ADAMTSL1: variants seen among roughly 807,000 people sequenced by gnomAD.
The protein encoded by ADAMTSL1 is ADAMTS-like protein 1.
In ADAMTSL1, 126 loss-of-function variants were observed where a neutral mutation model predicts 201.8. The observed-to-expected ratio is 0.62, with a 90% CI of 0.54 to 0.72. The LOEUF is 0.72. Among genes scored for constraint, ADAMTSL1 ranks in the 30% least tolerant of loss-of-function variants. The pLI, the probability that ADAMTSL1 is intolerant of heterozygous loss-of-function variation, is 0.00. For synonymous variants in ADAMTSL1, 1,121 were observed against 903.4 expected, an observed-to-expected ratio of 1.24 and a Z score of -4.32; for missense variants, 2,679 against 2,277.8, an observed-to-expected ratio of 1.18 and a Z score of -3.59.
At chr9:18,022,127 C>T (rs538951661) in intron 1 of ADAMTSL1, among the ~76,000 whole-genome samples, 53 of 152,242 alleles carry the variant, frequency 3.5e-4, no homozygotes, top group African/African-American at 1.2e-3. Flanking sequence ...AACCACCCAC[C>T]TTGCACTGAT....
intron 1 of ADAMTSL1, among the ~76,000 whole-genome samples, chr9:17,915,611 T>A (rs1448149642): frequency 6.6e-6 from 1 of 152,234 alleles, no homozygotes; most frequent in African/African-American, 2.4e-5. Flanking sequence ...ATATAGTAGG[T>A]GTACATTTAA....
intron 2 of ADAMTSL1, among the ~76,000 whole-genome samples, chr9:18,277,955 A>G (rs1832647882): frequency 6.6e-6 from 1 of 151,960 alleles, no homozygotes; most frequent in African/African-American, 2.4e-5. Flanking sequence ...TGTATTTACT[A>G]TCTGTGTCAT....
chr9:18,607,787 C>A (rs1468892100), intron 4 of ADAMTSL1, among the ~76,000 whole-genome samples: 3 of 146,936 alleles, frequency 2.0e-5, no homozygotes, highest in Admixed American at 6.9e-5. Flanking sequence ...TCCCTGTGTT[C>A]TCATTGTTCA....
chr9:18,201,672 T>G (rs562392795), intron 2 of ADAMTSL1, among the ~76,000 whole-genome samples: 18 of 152,098 alleles, frequency 1.2e-4, no homozygotes, highest in Non-Finnish European at 2.5e-4. Context: ...AGAACAAGAA[T>G]AAAACCATTT....
intron 23 of ADAMTSL1, among the ~76,000 whole-genome samples, chr9:18,838,227 A>G (rs1440180965): frequency 6.6e-6 from 1 of 152,116 alleles, no homozygotes; most frequent in Non-Finnish European, 1.5e-5. Flanking sequence ...CTCATTCATT[A>G]TCACAAGAAC....
intron 5 of ADAMTSL1, among the ~76,000 whole-genome samples, chr9:18,634,436 A>G (rs10963690): frequency 0.13 from 20,247 of 152,004 alleles, 1,572 homozygotes; most frequent in Admixed American, 0.2. Context: ...AGTGGTGTGC[A>G]CCTGCAGTCC....
chr9:18,627,553 A>T (rs951661174), intron 5 of ADAMTSL1, among the ~76,000 whole-genome samples: 17 of 152,120 alleles, frequency 1.1e-4, no homozygotes, highest in African/African-American at 3.4e-4. Context: ...TTGAGGGAGT[A>T]TTTCTCTTTC....
rs1831243503 is a variant in ADAMTSL1, at chr9:18,245,899, A to G, written c.207+81918A>G. Among the ~76,000 whole-genome samples the G allele has an allele frequency of 2.6e-5, 4 of 152,300 alleles. No homozygotes were observed. In the South Asian group the frequency reaches 8.3e-4, roughly 32 times the overall value. On this transcript the variant is annotated intron_variant, in intron 2 of 29. Coordinates refer to the ADAMTSL1 transcript ENST00000680146. ...TCAATTAGCCGCCACCTTAGAAACT[A>G]AAGTATCACCATTTTATTTTTTGTG... is the stretch of plus-strand genomic sequence containing the variant.
intron 1 of ADAMTSL1, among the ~76,000 whole-genome samples, chr9:18,162,420 G>T (rs1489997314): frequency 6.6e-6 from 1 of 151,936 alleles, no homozygotes; most frequent in African/African-American, 2.4e-5. Flanking sequence ...AGTCCTTTTG[G>T]CCAGGTAAAG....
intron 2 of ADAMTSL1, among the ~76,000 whole-genome samples, chr9:18,430,120 T>C (rs1040657155): frequency 3.3e-5 from 5 of 152,156 alleles, no homozygotes; most frequent in Admixed American, 1.3e-4. Flanking sequence ...CAGGACTTCT[T>C]AAAATTTTAT....
chr9:18,697,596 T>C (rs1831635693), intron 13 of ADAMTSL1, among the ~76,000 whole-genome samples: 1 of 152,164 alleles, frequency 6.6e-6, no homozygotes, highest in Non-Finnish European at 1.5e-5. Flanking sequence ...AGCATGTAAG[T>C]GTAATGTTCA....
intron 1 of ADAMTSL1, among the ~76,000 whole-genome samples, chr9:18,022,950 C>T (rs368222839): frequency 2.2e-4 from 34 of 152,080 alleles, no homozygotes; most frequent in African/African-American, 7.7e-4. Flanking sequence ...CTCCACCTTG[C>T]TGGGTTTCTT....
intron 2 of ADAMTSL1, among the ~76,000 whole-genome samples, chr9:18,287,609 A>G (rs372846886): frequency 3.9e-5 from 3 of 77,224 alleles, no homozygotes; most frequent in African/African-American, 6.0e-5. Context: ...ATATATGCAT[A>G]TATGTATGTG....
At chr9:18,768,783 G>A (rs10963749) in intron 16 of ADAMTSL1, among the ~76,000 whole-genome samples, 10,861 of 152,120 alleles carry the variant, frequency 0.071, 668 homozygotes, top group East Asian at 0.16. Context: ...TGTTTGCTCC[G>A]GTGGGGTCCA....
rs111414707 is a variant in ADAMTSL1, at chr9:18,883,775, C to G, written c.4250-4056C>G. On this transcript the variant is annotated intron_variant, in intron 23 of 28. Coordinates refer to ENST00000380548, the MANE Select transcript of ADAMTSL1 (RefSeq NM_001040272.6). Reference sequence around the variant, plus strand: ...TCATTCCTTAAGGCTGTATAATATTCCATCATACATATATACCACATTTTG... The same window carrying G: ...TCATTCCTTAAGGCTGTATAATATTGCATCATACATATATACCACATTTTG... Among the ~76,000 whole-genome samples the G allele has an allele frequency of 3.3e-5, 5 of 152,254 alleles. No individual in the cohort carries two copies. The South Asian group carries it at 1.0e-3, about 32-fold the overall frequency.
intron 2 of ADAMTSL1, among the ~76,000 whole-genome samples, chr9:18,414,979 A>G (rs189625453): frequency 1.0e-3 from 153 of 152,320 alleles, no homozygotes; most frequent in African/African-American, 3.4e-3. Context: ...TCTTGCCTCA[A>G]TCATGGGGAA....
intron 2 of ADAMTSL1, among the ~76,000 whole-genome samples, chr9:18,184,521 A>G (rs1020617864): frequency 6.6e-6 from 1 of 152,212 alleles, no homozygotes; most frequent in Non-Finnish European, 1.5e-5. Flanking sequence ...TGGAGTGAGT[A>G]AAGAAGGGAA....
chr9:18,309,740 T>C (rs1041484911), intron 2 of ADAMTSL1, among the ~76,000 whole-genome samples: 1 of 151,726 alleles, frequency 6.6e-6, no homozygotes, highest in Admixed American at 6.6e-5. Context: ...ATCAATATCA[T>C]GAAAATGGCC....
At chr9:18,784,631 G>A (rs748140669) in intron 19 of ADAMTSL1, among the ~76,000 whole-genome samples, 8 of 152,198 alleles carry the variant, frequency 5.3e-5, no homozygotes, top group Non-Finnish European at 7.3e-5. Context: ...AAGCACTGCT[G>A]TAGTGTGTAT....
Sources: allele counts gnomAD v4.1 joint callset (sites outside exome capture counted in the v4.1 genomes callset), GRCh38; gene constraint gnomAD v4.1.1; transcripts MANE v1.5; gene names NCBI Gene and HGNC (gene_info 2026-07-23, HGNC 2026-07-21).